The following TBC1D14 variants were observed in gnomAD, a reference collection of about 807,000 sequenced individuals.
TBC1D14 encodes the protein TBC1 domain family member 14.
Under a neutral mutation model 79.0 loss-of-function variants are expected in TBC1D14, and 26 were observed. The observed-to-expected ratio is 0.33, with a 90% CI of 0.24 to 0.46. The LOEUF (loss-of-function observed/expected upper bound fraction) is 0.46. TBC1D14 is among the 20% of genes least tolerant of loss of function. TBC1D14 has a pLI of 1.00. For synonymous variants in TBC1D14, 394 were observed against 349.9 expected (o/e 1.13, Z -1.40); for missense variants, 769 against 887.6 (o/e 0.87, Z 1.70).
At chr4:6,925,948 C>G (rs1247257008) in intron 2 of TBC1D14, among the ~76,000 whole-genome samples, 2 of 152,146 alleles carry the variant, frequency 1.3e-5, no homozygotes, top group African/African-American at 4.8e-5. Flanking sequence ...ATGTGGGAAA[C>G]CTTGCTTGAA....
At chr4:6,978,440 C>T (rs1444605426) in intron 3 of TBC1D14, among the ~76,000 whole-genome samples, 1 of 149,850 alleles carries the variant, frequency 6.7e-6, no homozygotes, top group Non-Finnish European at 1.5e-5. Context: ...TGTGACCTTA[C>T]CCCCAACCCT....
rs1218852890 is a variant in TBC1D14 at position 7,032,822 on chromosome 4, T to A, written c.*2430T>A. ...GCCGTTGACTCTCACAGTCTAAGAC[T>A]TCAGGGCCGGGACCTTTGTCCAGCC... On this transcript the variant is annotated 3_prime_UTR_variant, in exon 14 of 14. Transcript: ENST00000409757. 1 of 152,238 alleles carries A rather than the reference T, an allele frequency of 6.6e-6. No homozygotes were observed. The highest frequency in any genetic ancestry group is 1.9e-4 in the East Asian group (1 of 5,206). 9.4% of individuals were successfully genotyped at this position (152,238 alleles called of 1,614,324 possible). A position where few individuals can be genotyped will look rare whatever the true frequency, so the allele number is the denominator to read the frequency against.
intron 2 of TBC1D14, among the ~76,000 whole-genome samples, chr4:6,966,079 C>T (rs1577095277): frequency 6.6e-6 from 1 of 152,090 alleles, no homozygotes; most frequent in African/African-American, 2.4e-5. Flanking sequence ...TTATTTGTAC[C>T]TATATGGGCT....
Position 7,025,102 on chromosome 4 carries a change from C to T in TBC1D14, c.1856C>T (p.Ala619Val). 1.2e-6 allele frequency: 2 copies of T among 1,614,212 alleles called. No individual in the cohort carries two copies. Among genetic ancestry groups the T allele is most frequent in the African/African-American group, 1.3e-5 (1 of 75,058 alleles). The change falls in exon 13 of 14, where the codon GCC becomes GTC. Residue 619 changes from alanine (A) to valine (V), a missense_variant. Transcript: ENST00000409757. ...GGGGAAGAGTTCCTGTTCCGCACGG[C>T]CCTGGGCATCCTGAAGCTGTTCGAG... ...RDGEEFLFRTALGILKLFEDI... is the reference protein window; with the variant it reads ...RDGEEFLFRTVLGILKLFEDI...
At chr4:7,003,910 A>G (rs1253836887) in intron 7 of TBC1D14, among the ~76,000 whole-genome samples, 1 of 150,892 alleles carries the variant, frequency 6.6e-6, no homozygotes, top group Non-Finnish European at 1.5e-5. Flanking sequence ...AGGCTGAGGC[A>G]AGAAAATTGA....
chr4:6,946,740 A>G (rs1713507298), intron 2 of TBC1D14, among the ~76,000 whole-genome samples: 1 of 152,216 alleles, frequency 6.6e-6, no homozygotes, highest in Non-Finnish European at 1.5e-5. Context: ...TTTCTTGCCT[A>G]ACATCAGGCA....
intron 1 of TBC1D14, among the ~76,000 whole-genome samples, chr4:6,919,397 C>T (rs34335938): frequency 0.083 from 12,672 of 151,984 alleles, 694 homozygotes; most frequent in Middle Eastern, 0.16. Context: ...CCGCCCGTCT[C>T]GGCCTCCCAA....
intron 3 of TBC1D14, among the ~76,000 whole-genome samples, chr4:6,970,549 T>A (rs1311549608): frequency 6.6e-6 from 1 of 152,268 alleles, no homozygotes; most frequent in Admixed American, 6.5e-5. Context: ...CAGTGCATTC[T>A]TCATCTGCTT....
Position 7,030,386 on chromosome 4 carries a change from A to G in TBC1D14, c.2076A>G (p.Arg692=). ...REMEKGSPSL[R]H is the part of the protein sequence containing the mutation. ...TGGAGAAGGGAAGTCCGTCCCTCCG[A>G]CACTGAGGCTGCAGCGGGAATTCGC... The change falls in exon 14 of 14, where the codon CGA becomes CGG. Residue 692 remains arginine, a synonymous_variant. Transcript: ENST00000409757. The G allele has an allele frequency of 6.2e-7, 1 of 1,613,938 alleles. No individual in the cohort carries two copies. Among genetic ancestry groups the G allele is most frequent in the Non-Finnish European group, 8.5e-7 (1 of 1,179,874 alleles).
At chr4:6,982,180 T>G (rs1717436883) in intron 3 of TBC1D14, among the ~76,000 whole-genome samples, 2 of 152,128 alleles carry the variant, frequency 1.3e-5, no homozygotes, top group South Asian at 4.1e-4. Context: ...CTGTACATGT[T>G]TATAGCAGCT....
chr4:6,911,704 G>T (rs1723007735), intron 1 of TBC1D14, among the ~76,000 whole-genome samples: 1 of 152,174 alleles, frequency 6.6e-6, no homozygotes, highest in Non-Finnish European at 1.5e-5. Flanking sequence ...TTGCTTAGCT[G>T]GTGCGCTATA....
At chr4:6,921,584 G>A (rs1405953865) in intron 1 of TBC1D14, among the ~76,000 whole-genome samples, 1 of 151,974 alleles carries the variant, frequency 6.6e-6, no homozygotes, top group Non-Finnish European at 1.5e-5. Flanking sequence ...GGAGTGCAGT[G>A]GCATGATCTT....
Position 7,031,548 on chromosome 4 carries a change from C to G in TBC1D14, c.*1156C>G, listed in dbSNP as rs1723047188. On this transcript the variant is annotated 3_prime_UTR_variant, in exon 14 of 14. Coordinates refer to ENST00000409757, the MANE Select transcript of TBC1D14 (RefSeq NM_020773.3). ...GGCAAATTTTTTGTTCTGTCTTTTC[C>G]TTGACTAATTGTAGAACTTTGTGTG... The G allele has an allele frequency of 6.6e-6, 1 of 152,216 alleles. No individual in the cohort carries two copies. Among genetic ancestry groups the G allele is most frequent in the Non-Finnish European group, 1.5e-5 (1 of 68,046 alleles). The allele number at this position is 152,216 out of a possible 1,614,324, so 9.4% of individuals were successfully genotyped here.
intron 8 of TBC1D14, among the ~76,000 whole-genome samples, 195 bp from the exon 9 acceptor site, chr4:7,006,437 A>T (rs142041865): frequency 1.6e-3 from 239 of 152,322 alleles, no homozygotes; most frequent in African/African-American, 5.6e-3. Context: ...TGGTGCCATA[A>T]GATATTTTGT....
chr4:6,962,139 G>C (rs1715269585), intron 2 of TBC1D14, among the ~76,000 whole-genome samples: 1 of 152,162 alleles, frequency 6.6e-6, no homozygotes, highest in South Asian at 2.1e-4. Flanking sequence ...GGAGGGATCT[G>C]AGTGGGCACC....
intron 13 of TBC1D14, among the ~76,000 whole-genome samples, chr4:7,026,984 A>G (rs1443556671): frequency 6.6e-6 from 1 of 152,192 alleles, no homozygotes; most frequent in African/African-American, 2.4e-5. Context: ...AGGCTGAGGC[A>G]GGTGGATCAC....
intron 2 of TBC1D14, among the ~76,000 whole-genome samples, chr4:6,934,000 A>C (rs1712049745): frequency 6.6e-6 from 1 of 152,158 alleles, no homozygotes; most frequent in African/African-American, 2.4e-5. Flanking sequence ...AGCCAGTGGA[A>C]AATAGAGTTG....
intron 13 of TBC1D14, among the ~76,000 whole-genome samples, chr4:7,026,463 T>C (rs1305163842): frequency 6.6e-6 from 1 of 152,242 alleles, no homozygotes; most frequent in Non-Finnish European, 1.5e-5. Context: ...TAAATGGCTT[T>C]ATAGTTGGTT....
intron 2 of TBC1D14, among the ~76,000 whole-genome samples, chr4:6,964,365 C>T (rs80158241): frequency 0.014 from 2,065 of 152,298 alleles, 50 homozygotes; most frequent in African/African-American, 0.047. Flanking sequence ...TCTGCAGCTC[C>T]TGTCCCTCCA....
Sources: gnomAD v4.1 joint callset for allele counts (sites outside exome capture counted in the v4.1 genomes callset) on GRCh38, gnomAD v4.1.1 for gene constraint, MANE v1.5 for transcripts, NCBI Gene and HGNC (gene_info 2026-07-23, HGNC 2026-07-21) for gene names.